Variants in HPGDS observed in about 807,000 individuals in gnomAD.
HPGDS encodes the protein hematopoietic prostaglandin D synthase, also known as GST class-sigma.
Under a neutral mutation model 23.1 loss-of-function variants are expected in HPGDS, and 26 were observed. The ratio of observed to expected loss-of-function variants is 1.13; its 90% confidence interval spans 0.83 to 1.56. The LOEUF (loss-of-function observed/expected upper bound fraction) is 1.56. Among genes scored for constraint, HPGDS ranks in the 40% most tolerant of loss-of-function variants. HPGDS has a pLI of 0.00. For synonymous variants in HPGDS, 95 were observed against 77.9 expected (o/e 1.22, Z -1.16); for missense variants, 268 against 236.4 (o/e 1.13, Z -0.88).
chr4:94,317,670 G>A (rs866575008), intron 3 of HPGDS, among the ~76,000 whole-genome samples: 6 of 152,188 alleles, frequency 3.9e-5, no homozygotes, highest in East Asian at 1.9e-4. Context: ...AGCAGGAGGC[G>A]ATATAAAATA....
At position 94,338,657 on chromosome 4, in the gene HPGDS, A is replaced by T. The variant is rs530308668; in HGVS notation, c.-9-4019T>A. On this transcript the variant is annotated intron_variant, in intron 1 of 5. Coordinates refer to ENST00000295256, the MANE Select transcript of HPGDS (RefSeq NM_014485.3). The stretch of plus-strand genomic sequence containing the variant: ...ATATAATACATAATGGTGAATCAAT[A>T]AAAGCATTTTCTTTAATGTCAGAAG... Among the ~76,000 whole-genome samples, 7 of 152,324 alleles carry T rather than the reference A, an allele frequency of 4.6e-5. No individual in the cohort carries two copies. In the South Asian group the frequency reaches 1.2e-3, roughly 27 times the overall value.
At chr4:94,311,113 T>C (rs536307570) in intron 3 of HPGDS, among the ~76,000 whole-genome samples, 146 of 152,332 alleles carry the variant, frequency 9.6e-4, no homozygotes, top group African/African-American at 3.4e-3. Context: ...CTTTTCCTAA[T>C]TGAATAACAT....
chr4:94,340,311 C>CTTTCTTTTTCTTTTCTTTTTTT lies in HPGDS; in HGVS notation c.-10+2483_-10+2484insAAAAAAAGAAAAGAAAAAGAAA. Among the ~76,000 whole-genome samples, 14 of 23,684 alleles carry CTTTCTTTTTCTTTTCTTTTTTT rather than the reference C, an allele frequency of 5.9e-4. 2 individuals are homozygous for CTTTCTTTTTCTTTTCTTTTTTT. The highest frequency in any genetic ancestry group is 1.4e-3 in the East Asian group (1 of 726). The allele number at this position is 23,684 out of a possible 152,430, so 15.5% of individuals were successfully genotyped here. A position where few individuals can be genotyped will look rare whatever the true frequency, so the allele number is the denominator to read the frequency against. Reference sequence around the variant, plus strand: ...TTTCTTTCTTTCTTTCTTTCTTTCTCTTTTTTTTTTTTTTTTTTTTTTTTT... The same window carrying CTTTCTTTTTCTTTTCTTTTTTT: ...TTTCTTTCTTTCTTTCTTTCTTTCTCTTTCTTTTTCTTTTCTTTTTTTTTTTTTTTTTTTTTTTTTTTTTTTT... On this transcript the variant is annotated intron_variant, in intron 1 of 5. Transcript: ENST00000295256.
chr4:94,325,498 C>T (rs1191645481), intron 2 of HPGDS, among the ~76,000 whole-genome samples: 1 of 152,188 alleles, frequency 6.6e-6, no homozygotes, highest in Non-Finnish European at 1.5e-5. Context: ...GGCAGACACC[C>T]CTCCCCCAGC....
At chr4:94,337,281 A>G (rs1411518799) in intron 1 of HPGDS, among the ~76,000 whole-genome samples, 2 of 151,942 alleles carry the variant, frequency 1.3e-5, no homozygotes, top group Non-Finnish European at 2.9e-5. Context: ...TGCAGCTTCT[A>G]TTTGAAAAGC....
In HPGDS at chr4:94,334,584, CT is replaced by C; in HGVS notation, c.45del (p.Glu16LysfsTer19). 1 of 1,613,312 alleles carries C rather than the reference CT, an allele frequency of 6.2e-7. No homozygotes were observed. The highest frequency in any genetic ancestry group is 8.5e-7 in the Non-Finnish European group (1 of 1,179,514). On this transcript the variant is annotated frameshift_variant, in exon 2 of 6. Coordinates refer to ENST00000295256, the MANE Select transcript of HPGDS (RefSeq NM_014485.3). LOFTEE classifies it high-confidence loss of function. ...TAAGCAAATATGTAACGAATAATTT[CT>C]GCTCTCCCCCTCATATTAAAATAAG... ...KLTYFNMRGR[A>X]EIIRYIFAYL...
intron 1 of HPGDS, among the ~76,000 whole-genome samples, chr4:94,340,833 C>CTTTTT (rs769902962): frequency 8.7e-6 from 1 of 114,478 alleles, no homozygotes; most frequent in African/African-American, 3.5e-5. Flanking sequence ...AAATTTTTTT[C>CTTTTT]TTTTTTTTTT....
At chr4:94,337,414 C>T (rs1008464302) in intron 1 of HPGDS, among the ~76,000 whole-genome samples, 2 of 152,124 alleles carry the variant, frequency 1.3e-5, no homozygotes, top group African/African-American at 2.4e-5. Context: ...CCATGGCTCA[C>T]GCCTGTAATC....
chr4:94,329,019 T>C (rs1463160097), intron 2 of HPGDS, among the ~76,000 whole-genome samples: 1 of 152,208 alleles, frequency 6.6e-6, no homozygotes, highest in African/African-American at 2.4e-5. Context: ...TTTTGGTGCC[T>C]GAGATACTTC....
At chr4:94,332,405 G>A (rs998530304) in intron 2 of HPGDS, among the ~76,000 whole-genome samples, 8 of 152,230 alleles carry the variant, frequency 5.3e-5, no homozygotes, top group Non-Finnish European at 7.3e-5. Context: ...CTGGTGGGGG[G>A]CAGCCACCCC....
At chr4:94,314,253 TC>T (rs1456324533) in intron 3 of HPGDS, among the ~76,000 whole-genome samples, 1 of 152,204 alleles carries the variant, frequency 6.6e-6, no homozygotes. Context: ...CTCTGTTTTT[TC>T]CCCATCTTTG....
intron 2 of HPGDS, among the ~76,000 whole-genome samples, chr4:94,332,242 C>A (rs948247702): frequency 6.6e-6 from 1 of 152,124 alleles, no homozygotes; most frequent in Non-Finnish European, 1.5e-5. Context: ...GCCATTTCCA[C>A]CACTTAATAA....
chr4:94,336,146 C>T (rs1167817409), intron 1 of HPGDS, among the ~76,000 whole-genome samples: 2 of 149,766 alleles, frequency 1.3e-5, no homozygotes, highest in Non-Finnish European at 2.9e-5. Flanking sequence ...GTGGAGGTTG[C>T]AGTGACCCAA....
intron 1 of HPGDS, among the ~76,000 whole-genome samples, chr4:94,336,332 G>T (rs1721011209): frequency 6.6e-6 from 1 of 152,154 alleles, no homozygotes; most frequent in African/African-American, 2.4e-5. Flanking sequence ...GGAAGAGGAT[G>T]ACCTGGAAAT....
chr4:94,314,761 C>G (rs1190178289), intron 3 of HPGDS, among the ~76,000 whole-genome samples: 2 of 152,160 alleles, frequency 1.3e-5, no homozygotes, highest in African/African-American at 4.8e-5. Flanking sequence ...GGCAGGCAGG[C>G]CTCCTTGAGC....
At chr4:94,342,426 T>C (rs1030554873) in intron 1 of HPGDS, among the ~76,000 whole-genome samples, 43 of 152,214 alleles carry the variant, frequency 2.8e-4, no homozygotes, top group Non-Finnish European at 5.3e-4. Flanking sequence ...AGCCATGAGA[T>C]AATATTCTCT....
intron 3 of HPGDS, among the ~76,000 whole-genome samples, 161 bp from the exon 4 acceptor site, chr4:94,308,904 T>C (rs1756196647): frequency 1.3e-5 from 2 of 152,204 alleles, no homozygotes; most frequent in Admixed American, 1.3e-4. Context: ...CTTACCTACC[T>C]ACCTTACTGG....
At chr4:94,320,589 G>A (rs561393593) in intron 2 of HPGDS, among the ~76,000 whole-genome samples, 19 of 152,142 alleles carry the variant, frequency 1.2e-4, no homozygotes, top group East Asian at 1.2e-3. Flanking sequence ...CATATCCTTC[G>A]CCCACTTTTT....
chr4:94,319,699 G>T (rs1397467246), intron 2 of HPGDS, among the ~76,000 whole-genome samples: 1 of 152,022 alleles, frequency 6.6e-6, no homozygotes, highest in East Asian at 1.9e-4. Flanking sequence ...AGCATTTCTT[G>T]TAGGAACAGT....
Sources: allele counts gnomAD v4.1 joint callset (sites outside exome capture counted in the v4.1 genomes callset), GRCh38; gene constraint gnomAD v4.1.1; transcripts MANE v1.5; gene names NCBI Gene and HGNC (gene_info 2026-07-23, HGNC 2026-07-21).